Variants in REEP3 observed in about 807,000 individuals in gnomAD.
REEP3 encodes receptor expression-enhancing protein 3.
Under a neutral mutation model 41.3 loss-of-function variants are expected in REEP3, and 20 were observed. The observed-to-expected ratio is 0.48, with a 90% CI of 0.34 to 0.70. The LOEUF is 0.70. Ranked by LOEUF, REEP3 falls within the 30% of genes least tolerant of loss-of-function variation. The pLI, the probability that REEP3 is intolerant of heterozygous loss-of-function variation, is 0.01. For missense variants in REEP3, 271 were observed against 308.8 expected, an observed-to-expected ratio of 0.88 and a Z score of 0.92; for synonymous variants, 104 against 101.8, an observed-to-expected ratio of 1.02 and a Z score of -0.13.
chr10:63,624,884 C>T lies in REEP3; in HGVS notation c.*4015C>T, dbSNP rs1370749257. The T allele has an allele frequency of 6.6e-6, 1 of 152,056 alleles. No homozygotes were observed. Among genetic ancestry groups the T allele is most frequent in the East Asian group, 1.9e-4 (1 of 5,192 alleles). 9.4% of individuals were successfully genotyped at this position (152,056 alleles called of 1,614,324 possible). A position where few individuals can be genotyped will look rare whatever the true frequency, so the allele number is the denominator to read the frequency against. ...AACACAAAATTCAGATTTATGTATC[C>T]TGGAAATGTTCTGGGGTTCCATCTG... On this transcript the variant is annotated 3_prime_UTR_variant, in exon 8 of 8. Coordinates refer to ENST00000373758, the MANE Select transcript of REEP3 (RefSeq NM_001001330.3).
chr10:63,533,710 C>CTTTTTGTTTTTTTTTT (rs1955446949), intron 1 of REEP3, among the ~76,000 whole-genome samples: 1 of 101,070 alleles, frequency 9.9e-6, no homozygotes, highest in Non-Finnish European at 2.2e-5. Flanking sequence ...GTATGTAAAT[C>CTTTTTGTTTTTTTTTT]TTTTTTTTTT....
intron 6 of REEP3, among the ~76,000 whole-genome samples, chr10:63,614,245 A>G (rs1280455749): frequency 1.3e-5 from 2 of 152,248 alleles, no homozygotes; most frequent in Admixed American, 1.3e-4. Flanking sequence ...TTTAATTAAC[A>G]GTGCTCTGTG....
intron 1 of REEP3, among the ~76,000 whole-genome samples, chr10:63,543,119 T>G (rs1445826314): frequency 6.6e-6 from 1 of 152,202 alleles, no homozygotes; most frequent in African/African-American, 2.4e-5. Flanking sequence ...ACCTGGAGTT[T>G]CTTGCTGCTT....
At chr10:63,537,673 G>A (rs1589858537) in intron 1 of REEP3, among the ~76,000 whole-genome samples, 1 of 152,194 alleles carries the variant, frequency 6.6e-6, no homozygotes, top group South Asian at 2.1e-4. Context: ...GAAAGGAGAG[G>A]CTGATCCTGT....
intron 1 of REEP3, chr10:63,562,867 T>G (rs1463223836): frequency 1.1e-5 from 5 of 452,772 alleles, no homozygotes; most frequent in Non-Finnish European, 2.2e-5. Flanking sequence ...CTCCCCAAAC[T>G]TCATATATTG....
chr10:63,533,998 G>A (rs1307350126), intron 1 of REEP3, among the ~76,000 whole-genome samples: 4 of 151,822 alleles, frequency 2.6e-5, no homozygotes, highest in Admixed American at 2.6e-4. Flanking sequence ...ATGACCCACC[G>A]CGCTTGCCCT....
chr10:63,534,138 T>A (rs1955452919), intron 1 of REEP3, among the ~76,000 whole-genome samples: 1 of 152,148 alleles, frequency 6.6e-6, no homozygotes. Context: ...TAAGTAAAAA[T>A]GAGAAATTTA....
chr10:63,555,985 T>A (rs967196620), intron 1 of REEP3, among the ~76,000 whole-genome samples: 1 of 152,194 alleles, frequency 6.6e-6, no homozygotes, highest in Non-Finnish European at 1.5e-5. Context: ...CTTAGGAACC[T>A]GTTAACTGCA....
rs1278271024 is a variant in REEP3, at chr10:63,623,857, T to A, written c.*2988T>A. 1.3e-5 allele frequency: 2 copies of A among 153,958 alleles called. No homozygotes were observed. Among genetic ancestry groups the A allele is most frequent in the Middle Eastern group, 5.2e-4 (1 of 1,918 alleles). The allele number at this position is 153,958 out of a possible 1,614,324, so 9.5% of individuals were successfully genotyped here. A position where few individuals can be genotyped will look rare whatever the true frequency, so the allele number is the denominator to read the frequency against. ...GATTATAAATACTTGACTACACTGA[T>A]TGATGGGACAAAATGATTAAAGTAT... On this transcript the variant is annotated 3_prime_UTR_variant, in exon 8 of 8. Coordinates refer to ENST00000373758, the MANE Select transcript of REEP3 (RefSeq NM_001001330.3).
chr10:63,533,708 A>ATTTTTTTTTTTTTTTTTTT (rs1464023228), intron 1 of REEP3, among the ~76,000 whole-genome samples: 4 of 93,910 alleles, frequency 4.3e-5, no homozygotes, highest in Non-Finnish European at 7.5e-5. Context: ...AAGTATGTAA[A>ATTTTTTTTTTTTTTTTTTT]TCTTTTTTTT....
intron 6 of REEP3, among the ~76,000 whole-genome samples, chr10:63,613,081 G>A (rs1213579018): frequency 1.3e-5 from 2 of 151,772 alleles, no homozygotes; most frequent in Non-Finnish European, 2.9e-5. Context: ...GCACGATCTC[G>A]GCTCACTGCA....
chr10:63,603,950 G>A (rs1183581204), intron 5 of REEP3, among the ~76,000 whole-genome samples: 1 of 152,170 alleles, frequency 6.6e-6, no homozygotes, highest in African/African-American at 2.4e-5. Flanking sequence ...AACTGAAATA[G>A]GAAATAGGTC....
At chr10:63,607,444 T>G (rs1956239052) in intron 5 of REEP3, among the ~76,000 whole-genome samples, 1 of 152,212 alleles carries the variant, frequency 6.6e-6, no homozygotes, top group South Asian at 2.1e-4. Flanking sequence ...GGCCTTGCCT[T>G]GCTCATGTTT....
intron 3 of REEP3, among the ~76,000 whole-genome samples, chr10:63,595,805 C>T (rs914021865): frequency 5.9e-5 from 9 of 152,132 alleles, no homozygotes; most frequent in Non-Finnish European, 1.2e-4. Context: ...CTCGAACTCC[C>T]AACCTCAGGT....
intron 1 of REEP3, among the ~76,000 whole-genome samples, chr10:63,559,231 G>T (rs1011314374): frequency 1.1e-4 from 16 of 152,092 alleles, no homozygotes; most frequent in African/African-American, 3.9e-4. Context: ...AGCTAGTTCA[G>T]AAATTAATTA....
intron 1 of REEP3, among the ~76,000 whole-genome samples, chr10:63,560,690 C>A (rs16918600): frequency 0.12 from 18,495 of 152,138 alleles, 1,395 homozygotes; most frequent in East Asian, 0.28. Context: ...ATAACTGAAA[C>A]AATATTCAAT....
chr10:63,575,217 A>C (rs1215447130), intron 2 of REEP3, among the ~76,000 whole-genome samples: 1 of 152,136 alleles, frequency 6.6e-6, no homozygotes, highest in Non-Finnish European at 1.5e-5. Flanking sequence ...TTTTGAGAGC[A>C]ATTCTTCATT....
rs984991284 is a variant in REEP3, at chr10:63,612,387, G to A, written c.565+2053G>A. On this transcript the variant is annotated intron_variant, in intron 6 of 7. Coordinates refer to ENST00000373758, the MANE Select transcript of REEP3 (RefSeq NM_001001330.3). Reference sequence around the variant, plus strand: ...GGGCTTCACCATGTTACCCAGACTGGCCTCAAACTCCTGGGCTCAAGCAGT... The same window carrying A: ...GGGCTTCACCATGTTACCCAGACTGACCTCAAACTCCTGGGCTCAAGCAGT... Among the ~76,000 whole-genome samples the A allele has an allele frequency of 3.3e-5, 5 of 151,096 alleles. No homozygotes were observed. The South Asian group carries it at 8.4e-4, about 25-fold the overall frequency.
chr10:63,591,127 G>GTTTTTTTTTTT (rs5785582), intron 2 of REEP3, among the ~76,000 whole-genome samples: 1 of 135,954 alleles, frequency 7.4e-6, no homozygotes, highest in African/African-American at 2.6e-5. Flanking sequence ...TTTTGTTTTT[G>GTTTTTTTTTTT]TTTTTTTTTT....
Sources: gnomAD v4.1 joint callset for allele counts (sites outside exome capture counted in the v4.1 genomes callset) on GRCh38, gnomAD v4.1.1 for gene constraint, MANE v1.5 for transcripts, NCBI Gene and HGNC (gene_info 2026-07-23, HGNC 2026-07-21) for gene names.